Variants in TMX4 observed in about 807,000 individuals in gnomAD.
TMX4 encodes thioredoxin related transmembrane protein 4.
TMX4 carries 23 observed loss-of-function variants against 33.3 expected under a neutral mutation model. The ratio of observed to expected loss-of-function variants is 0.69; its 90% CI spans 0.50 to 0.98. The LOEUF (loss-of-function observed/expected upper bound fraction) is 0.98, where lower values mean the gene tolerates loss of function less well. TMX4 is among the 50% of genes least tolerant of loss of function. The pLI, the probability that TMX4 is intolerant of heterozygous loss-of-function variation, is 0.00. For missense variants in TMX4, 399 were observed against 448.9 expected, an observed-to-expected ratio of 0.89 and a Z score of 1.01; for synonymous variants, 164 against 161.5, an observed-to-expected ratio of 1.02 and a Z score of -0.12.
At chr20:8,012,146 C>T (rs7270634) in intron 1 of TMX4, among the ~76,000 whole-genome samples, 17,885 of 152,086 alleles carry the variant, frequency 0.12, 1,276 homozygotes, top group Non-Finnish European at 0.16. Context: ...TTTCAACAAG[C>T]GTTCCATGAT....
At chr20:8,018,249 AT>A (rs1227729473) in intron 1 of TMX4, among the ~76,000 whole-genome samples, 1 of 63,666 alleles carries the variant, frequency 1.6e-5, no homozygotes, top group Admixed American at 2.9e-4. Context: ...TTCCTGAAAG[AT>A]TTTATGTTTG....
intron 2 of TMX4, among the ~76,000 whole-genome samples, chr20:8,001,953 AGCATGGT>A (rs567487181): frequency 2.9e-4 from 44 of 152,318 alleles, no homozygotes; most frequent in African/African-American, 1.0e-3. Flanking sequence ...TATTAGGCTT[AGCATGGT>A]GCTGGGTACA....
In TMX4 at chr20:7,982,454, C is replaced by T; in HGVS notation, c.847G>A (p.Asp283Asn). 1.2e-6 allele frequency: 2 copies of T among 1,614,098 alleles called. No individual in the cohort carries two copies. Among genetic ancestry groups the T allele is most frequent in the South Asian group, 1.1e-5 (1 of 91,086 alleles). The change falls in exon 8 of 8, where the codon GAC (aspartate) becomes AAC (asparagine). Residue 283 changes from aspartate (D) to asparagine (N), a missense_variant. Physicochemically the swap from Asp to Asn is conservative, Grantham distance 23. Coordinates refer to ENST00000246024, the MANE Select transcript of TMX4 (RefSeq NM_021156.4). ...EDEAEEEEEE[D>N]NLAAGVDEER... ...TCATCCACACCAGCAGCCAAGTTGT[C>T]CTCCTCCTCTTCTTCCTCTGCTTCA...
chr20:7,982,634 G>T lies in TMX4; in HGVS notation c.680-13C>A, dbSNP rs913572992. On this transcript the variant is annotated splice_polypyrimidine_tract_variant and intron_variant, in intron 7 of 7. Transcript: ENST00000246024. ...CTCCGATTCTGCTCTATGGAGGGAA[G>T]AAAGAGGAATATCCTCTGAATAAAC... is the stretch of plus-strand genomic sequence containing the variant. 2 of 1,599,468 alleles carry T rather than the reference G, an allele frequency of 1.3e-6. No homozygotes were observed. Among genetic ancestry groups the T allele is most frequent in the Non-Finnish European group, 1.7e-6 (2 of 1,174,768 alleles).
chr20:7,983,855 G>A lies in TMX4; in HGVS notation c.618C>T (p.Val206=). 6.2e-7 allele frequency: 1 copy of A among 1,612,910 alleles called. No individual in the cohort carries two copies. The highest frequency in any genetic ancestry group is 1.1e-5 in the South Asian group (1 of 91,016). Residue 206 remains valine, a splice_region_variant and synonymous_variant, in exon 7 of 8, where the codon GTC becomes GTT. Transcript: ENST00000246024. The part of the protein sequence containing the change: ...TLVFGLFMGL[V]LVVISECFYV... ...AGAAACATTCTGATATTACCACCAA[G>A]ACCTGGAAGGAAAAAAGTGATTTTA... is the stretch of plus-strand genomic sequence containing the variant.
intron 1 of TMX4, among the ~76,000 whole-genome samples, chr20:8,016,497 T>C (rs2050776109): frequency 6.6e-6 from 1 of 152,208 alleles, no homozygotes; most frequent in Admixed American, 6.5e-5. Flanking sequence ...TACTTTTAAC[T>C]CATACATTTT....
chr20:7,983,967 C>A, intron 6 of TMX4, 110 bp from the exon 7 acceptor site: 1 of 704,152 alleles, frequency 1.4e-6, no homozygotes, highest in Non-Finnish European at 2.4e-6. Flanking sequence ...TAATAATTAG[C>A]AGCTAGTCAA....
intron 1 of TMX4, among the ~76,000 whole-genome samples, chr20:8,011,899 A>AT (rs1004762127): frequency 6.6e-6 from 1 of 152,146 alleles, no homozygotes; most frequent in Admixed American, 6.5e-5. Flanking sequence ...TTGAATGTAG[A>AT]TTTTTTTAAA....
At chr20:7,999,579 C>G (rs1216172851) in intron 4 of TMX4, among the ~76,000 whole-genome samples, 153 bp downstream of exon 4, 2 of 152,128 alleles carry the variant, frequency 1.3e-5, no homozygotes, top group South Asian at 2.1e-4. Context: ...GTCACAAAAT[C>G]AGAAATACTG....
Position 7,979,753 on chromosome 20 carries a change from AG to A in TMX4, c.*2497del, listed in dbSNP as rs1424834731. 6.6e-6 allele frequency: 1 copy of A among 151,584 alleles called. No individual in the cohort carries two copies. Among genetic ancestry groups the A allele is most frequent in the East Asian group, 1.9e-4 (1 of 5,190 alleles). 9.4% of individuals were successfully genotyped at this position (151,584 alleles called of 1,614,324 possible). A position where few individuals can be genotyped will look rare whatever the true frequency, so the allele number is the denominator to read the frequency against. On this transcript the variant is annotated 3_prime_UTR_variant, in exon 8 of 8. Coordinates refer to ENST00000246024, the MANE Select transcript of TMX4 (RefSeq NM_021156.4). Reference sequence around the variant, plus strand: ...ACTCCATCTCAAAAAAAAAAAAAAAAGAAAATACATTTTTCTTATTATATAA... The same window carrying A: ...ACTCCATCTCAAAAAAAAAAAAAAAAAAAATACATTTTTCTTATTATATAA...
chr20:8,016,641 G>A (rs6140503), intron 1 of TMX4, among the ~76,000 whole-genome samples: 12,364 of 152,002 alleles, frequency 0.081, 1,093 homozygotes, highest in East Asian at 0.53. Context: ...AGATTCTTAA[G>A]AATAAATTAT....
intron 2 of TMX4, among the ~76,000 whole-genome samples, chr20:8,009,244 A>G (rs2050742630): frequency 6.6e-6 from 1 of 152,152 alleles, no homozygotes; most frequent in African/African-American, 2.4e-5. Flanking sequence ...TTTATTGTAT[A>G]TATCTTTTCA....
At chr20:7,992,439 AT>A (rs2050659131) in intron 5 of TMX4, among the ~76,000 whole-genome samples, 1 of 152,196 alleles carries the variant, frequency 6.6e-6, no homozygotes. Context: ...AACACTGGAG[AT>A]CATCTACTCT....
At position 7,982,244 on chromosome 20, in the gene TMX4, A is replaced by C. The variant is rs1186939944; in HGVS notation, c.*7T>G. 2 of 1,608,492 alleles carry C rather than the reference A, an allele frequency of 1.2e-6. No homozygotes were observed. Among genetic ancestry groups the C allele is most frequent in the Non-Finnish European group, 1.7e-6 (2 of 1,176,548 alleles). ...TGGTGTGTATTCTTGAAAACGCATC[A>C]TTAAATCTACAGTCCCTTGTCAGCA... On this transcript the variant is annotated 3_prime_UTR_variant, in exon 8 of 8. Transcript: ENST00000246024.
intron 1 of TMX4, among the ~76,000 whole-genome samples, chr20:8,018,270 G>T (rs2050784722): frequency 2.2e-5 from 3 of 138,802 alleles, no homozygotes; most frequent in Non-Finnish European, 3.1e-5. Flanking sequence ...GGGGGGTGGG[G>T]GCGGGAGGGG....
intron 7 of TMX4, among the ~76,000 whole-genome samples, chr20:7,983,360 A>G (rs2050617383): frequency 6.6e-6 from 1 of 152,224 alleles, no homozygotes; most frequent in Non-Finnish European, 1.5e-5. Flanking sequence ...CAGTCTCAAA[A>G]ATAGTCTGGA....
intron 2 of TMX4, among the ~76,000 whole-genome samples, chr20:8,006,714 A>C (rs934715341): frequency 6.6e-6 from 1 of 150,560 alleles, no homozygotes; most frequent in East Asian, 2.0e-4. Context: ...TATCTCACTA[A>C]CTTCTCATAG....
intron 5 of TMX4, among the ~76,000 whole-genome samples, chr20:7,995,651 C>T (rs1327515128): frequency 1.3e-5 from 2 of 152,088 alleles, no homozygotes; most frequent in Non-Finnish European, 2.9e-5. Flanking sequence ...CATCCACAGG[C>T]TAGAGTTTGT....
intron 1 of TMX4, among the ~76,000 whole-genome samples, chr20:8,014,658 A>T (rs2050765403): frequency 6.6e-6 from 1 of 152,206 alleles, no homozygotes; most frequent in African/African-American, 2.4e-5. Flanking sequence ...AGTGAGAAAG[A>T]ATTTTCCTGG....
Sources: allele counts gnomAD v4.1 joint callset (sites outside exome capture counted in the v4.1 genomes callset), GRCh38; gene constraint gnomAD v4.1.1; transcripts MANE v1.5; gene names NCBI Gene and HGNC (gene_info 2026-07-23, HGNC 2026-07-21).